JMY: variants seen among roughly 807,000 people sequenced by gnomAD.
The protein encoded by JMY is junction-mediating and -regulatory protein.
Under a neutral mutation model 103.3 loss-of-function variants are expected in JMY, and 46 were observed. That is an observed-to-expected ratio of 0.45 (90% CI 0.35 to 0.57). The LOEUF is 0.57. Ranked by LOEUF, JMY falls within the 20% of genes least tolerant of loss-of-function variation. JMY has a pLI of 0.00. For missense variants in JMY, 1,238 were observed against 1,255.2 expected (o/e 0.99, Z 0.21); for synonymous variants, 526 against 489.3 (o/e 1.07, Z -0.99).
chr5:79,284,762 G>A, intron 2 of JMY: 11 of 1,579,504 alleles, frequency 7.0e-6, no homozygotes, highest in Non-Finnish European at 8.6e-6. Flanking sequence ...TTGGTTCCTT[G>A]GGTCCTGGTG....
Position 79,236,262 on chromosome 5 carries a change from G to C in JMY, c.-389G>C. 1 of 165,554 alleles carries C rather than the reference G, an allele frequency of 6.0e-6. No individual in the cohort carries two copies. The highest frequency in any genetic ancestry group is 1.3e-5 in the Non-Finnish European group (1 of 77,404). 10.3% of individuals were successfully genotyped at this position (165,554 alleles called of 1,614,324 possible). On this transcript the variant is annotated 5_prime_UTR_variant, in exon 1 of 11. Transcript: ENST00000396137. ...GGGATCTTGACCTGGGCGAGCGACC[G>C]GGACGCATACAGCGCCGGCCTGACC...
intron 6 of JMY, among the ~76,000 whole-genome samples, chr5:79,305,511 T>C (rs996061195): frequency 6.6e-6 from 1 of 152,148 alleles, no homozygotes; most frequent in African/African-American, 2.4e-5. Context: ...CCCTTTTATC[T>C]GGAAAACTTC....
intron 7 of JMY, among the ~76,000 whole-genome samples, chr5:79,307,700 A>G (rs34159096): frequency 3.3e-5 from 5 of 152,116 alleles, no homozygotes; most frequent in African/African-American, 4.8e-5. Context: ...CCAAATGCCT[A>G]CTTGCCCCTC....
chr5:79,298,666 T>C (rs1746638115), intron 4 of JMY, among the ~76,000 whole-genome samples: 2 of 152,248 alleles, frequency 1.3e-5, no homozygotes, highest in Admixed American at 6.5e-5. Flanking sequence ...TAAGTATCCG[T>C]TTATAAAATA....
rs1350202566 is a variant in JMY, at chr5:79,325,410, T to TA, written c.*3812dup. On this transcript the variant is annotated 3_prime_UTR_variant, in exon 11 of 11. Transcript: ENST00000396137. ...TTCAAAACCATTGCAGACACATTGT[T>TA]AAAATGCAGCCATTTGATAATGAAA... 6.6e-6 allele frequency: 1 copy of TA among 152,206 alleles called. No individual in the cohort carries two copies. The highest frequency in any genetic ancestry group is 1.5e-5 in the Non-Finnish European group (1 of 68,016). The allele number at this position is 152,206 out of a possible 1,614,324, so 9.4% of individuals were successfully genotyped here.
intron 1 of JMY, among the ~76,000 whole-genome samples, chr5:79,251,888 C>T (rs1470662262): frequency 6.6e-6 from 1 of 152,152 alleles, no homozygotes; most frequent in Non-Finnish European, 1.5e-5. Flanking sequence ...GATTCTTCTG[C>T]CTCAGCCTCC....
At chr5:79,263,213 G>C (rs1396146239) in intron 1 of JMY, among the ~76,000 whole-genome samples, 1 of 152,118 alleles carries the variant, frequency 6.6e-6, no homozygotes, top group Non-Finnish European at 1.5e-5. Flanking sequence ...ATAAGATAAA[G>C]GGCTTCTTTG....
intron 1 of JMY, among the ~76,000 whole-genome samples, chr5:79,255,818 T>G (rs1745223970): frequency 6.6e-6 from 1 of 152,240 alleles, no homozygotes; most frequent in Admixed American, 6.5e-5. Context: ...CATCTAGACC[T>G]GGGGGTGGAG....
At chr5:79,280,059 G>T (rs867331271) in intron 2 of JMY, among the ~76,000 whole-genome samples, 15 of 152,208 alleles carry the variant, frequency 9.9e-5, no homozygotes, top group Middle Eastern at 3.4e-3. Context: ...GCCCAGGCTG[G>T]TCCAGAACTC....
chr5:79,286,546 G>A (rs1379593441), intron 2 of JMY, among the ~76,000 whole-genome samples: 4 of 152,008 alleles, frequency 2.6e-5, no homozygotes, highest in Admixed American at 6.6e-5. Context: ...AGGAAGCTGA[G>A]GCAGGAGACT....
chr5:79,281,097 T>C (rs1011753472), intron 2 of JMY, among the ~76,000 whole-genome samples: 3 of 151,820 alleles, frequency 2.0e-5, no homozygotes, highest in African/African-American at 7.2e-5. Flanking sequence ...CAGGCTGGAG[T>C]GCAGTGGCGC....
intron 4 of JMY, among the ~76,000 whole-genome samples, chr5:79,292,943 T>C (rs1746465426): frequency 6.6e-6 from 1 of 152,202 alleles, no homozygotes; most frequent in Admixed American, 6.6e-5. Context: ...TTTAGATAGG[T>C]ATTGTGCTTT....
chr5:79,270,791 AAGG>A lies in JMY; in HGVS notation c.1033-7115_1033-7113del, dbSNP rs1450299249. 5.3e-5 allele frequency among the ~76,000 whole-genome samples: 8 copies of A among 150,478 alleles called. No individual in the cohort carries two copies. The East Asian group carries it at 1.5e-3, about 29-fold the overall frequency. On this transcript the variant is annotated intron_variant, in intron 1 of 10. Transcript: ENST00000396137. Reference sequence around the variant, plus strand: ...CTCAAGGTTTTTTTTTATCAAGGTGAAGGAGGTTTTCCATTCCTAGTTTGCTGA... The same window carrying A: ...CTCAAGGTTTTTTTTTATCAAGGTGAAGGTTTTCCATTCCTAGTTTGCTGA...
Position 79,236,424 on chromosome 5 carries a change from CT to C in JMY, c.-226del. ...ATCCGGCCGCAGGTGACCATGTGAA[CT>C]ACCTGCTCCCGGGACGCTTATTGTC... On this transcript the variant is annotated 5_prime_UTR_variant, in exon 1 of 11. Transcript: ENST00000396137. 1 of 379,364 alleles carries C rather than the reference CT, an allele frequency of 2.6e-6. No homozygotes were observed. The highest frequency in any genetic ancestry group is 4.7e-6 in the Non-Finnish European group (1 of 215,006). 23.5% of individuals were successfully genotyped at this position (379,364 alleles called of 1,614,324 possible).
At position 79,239,997 on chromosome 5, in the gene JMY, A is replaced by G. The variant is rs145314061; in HGVS notation, c.1032+2315A>G. Among the ~76,000 whole-genome samples, 872 of 151,944 alleles carry G rather than the reference A, an allele frequency of 5.7e-3. 10 individuals are homozygous for G. The highest frequency in any genetic ancestry group is 0.02 in the African/African-American group (830 of 41,496). Reference sequence around the variant, plus strand: ...TGACCATAATGATTTATTTTCTTTAACAGAAAATTATACTTTTTTTCTTTC... The same window carrying G: ...TGACCATAATGATTTATTTTCTTTAGCAGAAAATTATACTTTTTTTCTTTC... On this transcript the variant is annotated intron_variant, in intron 1 of 10. Coordinates refer to ENST00000396137, the MANE Select transcript of JMY (RefSeq NM_152405.5).
chr5:79,288,528 T>C (rs913150105), intron 2 of JMY, among the ~76,000 whole-genome samples: 1 of 152,192 alleles, frequency 6.6e-6, no homozygotes, highest in South Asian at 2.1e-4. Flanking sequence ...AGTATCTGGC[T>C]AAAATTCTGT....
intron 1 of JMY, among the ~76,000 whole-genome samples, chr5:79,275,658 G>A (rs952969137): frequency 2.6e-5 from 4 of 152,028 alleles, no homozygotes; most frequent in African/African-American, 7.2e-5. Flanking sequence ...TTTGCCCCAC[G>A]GTTTGTTGTT....
intron 1 of JMY, among the ~76,000 whole-genome samples, chr5:79,245,508 G>T (rs1744867628): frequency 6.6e-6 from 1 of 152,098 alleles, no homozygotes; most frequent in Non-Finnish European, 1.5e-5. Flanking sequence ...TTAGGCTGTT[G>T]ACTAGCCTTT....
chr5:79,312,923 T>C (rs1011519228), intron 8 of JMY, among the ~76,000 whole-genome samples: 1 of 152,168 alleles, frequency 6.6e-6, no homozygotes, highest in Non-Finnish European at 1.5e-5. Flanking sequence ...TGAGAAATGC[T>C]TCAGCAGTTC....
Sources: allele counts gnomAD v4.1 joint callset (sites outside exome capture counted in the v4.1 genomes callset), GRCh38; gene constraint gnomAD v4.1.1; transcripts MANE v1.5; gene names NCBI Gene and HGNC (gene_info 2026-07-23, HGNC 2026-07-21).